Variants in CYP2F1 observed in about 807,000 individuals in gnomAD.
CYP2F1 encodes the protein cytochrome P450 family 2 subfamily F member 1.
In CYP2F1, 33 loss-of-function variants were observed where a neutral mutation model predicts 40.4. The ratio of observed to expected loss-of-function variants is 0.82; its 90% CI spans 0.62 to 1.09. CYP2F1 has a LOEUF of 1.09. Among genes scored for constraint, CYP2F1 ranks in the 50% least tolerant of loss-of-function variants. CYP2F1 has a pLI of 0.00. For synonymous variants in CYP2F1, 235 were observed against 277.2 expected (o/e 0.85, Z 1.51); for missense variants, 566 against 655.7 (o/e 0.86, Z 1.49).
rs1159535426 is a variant in CYP2F1, at chr19:41,119,683, G to GTC, written c.335-624_335-623dup. On this transcript the variant is annotated intron_variant, in intron 3 of 9. Coordinates refer to ENST00000331105, the MANE Select transcript of CYP2F1 (RefSeq NM_000774.5). ...CAGCCTGGCAACAGAGCAAGACTCC[G>GTC]TCTCTCTCTCTCTCTCTCTCTCTCT... is the stretch of plus-strand genomic sequence containing the variant. Among the ~76,000 whole-genome samples, 58 of 13,402 alleles carry GTC rather than the reference G, an allele frequency of 4.3e-3. 2 individuals carry two copies. The highest frequency in any genetic ancestry group is 7.5e-3 in the South Asian group (2 of 266). The allele number at this position is 13,402 out of a possible 152,430, so 8.8% of individuals were successfully genotyped here. A position where few individuals can be genotyped will look rare whatever the true frequency, so the allele number is the denominator to read the frequency against.
In CYP2F1 at chr19:41,128,124, G is replaced by A. The variant is rs12461439; in HGVS notation, c.*42G>A. 0.012 allele frequency: 18,102 copies of A among 1,540,244 alleles called. 1,967 individuals are homozygous for A. The African/African-American group carries it at 0.16, about 13-fold the overall frequency. ...GATTCGCCTGTGAGCGATGAGGCCC[G>A]CCCATGCGGGTTGCTACGTCCCCTT... On this transcript the variant is annotated 3_prime_UTR_variant, in exon 10 of 10. Coordinates refer to ENST00000331105, the MANE Select transcript of CYP2F1 (RefSeq NM_000774.5).
At position 41,122,914 on chromosome 19, in the gene CYP2F1, C is replaced by T; in HGVS notation, c.915C>T (p.Thr305=). The change falls in exon 7 of 10, where the codon ACC becomes ACT. Residue 305 remains threonine (T), a synonymous_variant. Coordinates refer to ENST00000331105, the MANE Select transcript of CYP2F1 (RefSeq NM_000774.5). ...TTGGCGGCACCAAGACGGTGAGCAC[C>T]ACGCTGCACCACGCCTTCCTGGCAC... ...LLFGGTKTVS[T]TLHHAFLALM... 1 of 1,611,918 alleles carries T rather than the reference C, an allele frequency of 6.2e-7. No individual in the cohort carries two copies. Among genetic ancestry groups the T allele is most frequent in the Admixed American group, 1.7e-5 (1 of 59,832 alleles).
intron 9 of CYP2F1, among the ~76,000 whole-genome samples, chr19:41,126,854 G>C (rs940108637): frequency 2.0e-5 from 3 of 152,056 alleles, no homozygotes; most frequent in Non-Finnish European, 4.4e-5. Flanking sequence ...CTCTCCACTG[G>C]GTGGCGCAGT....
chr19:41,118,939 G>A (rs2031979018), intron 3 of CYP2F1, among the ~76,000 whole-genome samples: 1 of 152,108 alleles, frequency 6.6e-6, no homozygotes, highest in Admixed American at 6.6e-5. Flanking sequence ...ACACATCTGA[G>A]ACTTTATCCT....
intron 9 of CYP2F1, among the ~76,000 whole-genome samples, chr19:41,126,356 C>T (rs771973409): frequency 4.6e-5 from 7 of 151,916 alleles, no homozygotes; most frequent in South Asian, 4.2e-4. Flanking sequence ...ACCCGGGAGG[C>T]GGAGGTTGCA....
Position 41,126,220 on chromosome 19 carries a change from G to A in CYP2F1, c.1294+586G>A, listed in dbSNP as rs552937351. On this transcript the variant is annotated intron_variant, in intron 9 of 9. Coordinates refer to ENST00000331105, the MANE Select transcript of CYP2F1 (RefSeq NM_000774.5). ...GCGGGCAGATTACCTGAAGTCAGGA[G>A]TTCAAGATTAGCCTGACCAACATGG... Among the ~76,000 whole-genome samples, 70 of 152,050 alleles carry A rather than the reference G, an allele frequency of 4.6e-4. 1 individual carries two copies. Among genetic ancestry groups the A allele is most frequent in the African/African-American group, 1.6e-3 (67 of 41,460 alleles).
In CYP2F1 at chr19:41,126,242, A is replaced by G. The variant is rs1281203657; in HGVS notation, c.1294+608A>G. 2.0e-5 allele frequency among the ~76,000 whole-genome samples: 3 copies of G among 151,972 alleles called. No individual in the cohort carries two copies. The East Asian group carries it at 5.8e-4, about 29-fold the overall frequency. ...GGAGTTCAAGATTAGCCTGACCAAC[A>G]TGGTGAAACCCTGTCTCTACTAAAA... On this transcript the variant is annotated intron_variant, in intron 9 of 9. Transcript: ENST00000331105.
intron 9 of CYP2F1, among the ~76,000 whole-genome samples, chr19:41,125,993 TGTG>T (rs757750356): frequency 1.3e-5 from 2 of 149,114 alleles, no homozygotes; most frequent in Non-Finnish European, 3.0e-5. Context: ...ATTAGCTGGG[TGTG>T]GTGGTGGGCG....
chr19:41,120,208 T>A, intron 3 of CYP2F1, 139 bp from the exon 4 acceptor site: 1 of 755,900 alleles, frequency 1.3e-6, no homozygotes, highest in Non-Finnish European at 2.1e-6. Flanking sequence ...AGCTGGAGGG[T>A]CCAGAAGGGC....
Position 41,116,576 on chromosome 19 carries a change from G to A in CYP2F1, c.293G>A (p.Arg98His), listed in dbSNP as rs57670668. 1.5e-4 allele frequency: 237 copies of A among 1,614,002 alleles called. 2 individuals are homozygous for A. The African/African-American group carries it at 2.4e-3, about 16-fold the overall frequency. ...LVDQGEEFSG[R>H]GDYPAFFNFT... ...GACCAGGGAGAGGAGTTTAGTGGCC[G>A]CGGTGACTACCCTGCCTTTTTCAAC... The change falls in exon 3 of 10, where the codon CGC becomes CAC. Residue 98 changes from arginine (R) to histidine (H), a missense_variant. By Grantham distance (29) the Arg-to-His change is conservative. Coordinates refer to ENST00000331105, the MANE Select transcript of CYP2F1 (RefSeq NM_000774.5).
At position 41,116,292 on chromosome 19, in the gene CYP2F1, G is replaced by A. The variant is rs754395250; in HGVS notation, c.104G>A (p.Arg35Lys). 3.1e-6 allele frequency: 5 copies of A among 1,613,988 alleles called. No individual in the cohort carries two copies. Among genetic ancestry groups the A allele is most frequent in the Non-Finnish European group, 4.2e-6 (5 of 1,180,034 alleles). Residue 35 changes from arginine to lysine, a missense_variant, in exon 2 of 10, where the codon AGA (arginine) becomes AAA (lysine). Transcript: ENST00000331105. The part of the protein sequence containing the change: ...RDKGKLPPGP[R>K]PLSILGNLLL... ...AAGGGAAAGCTGCCTCCGGGACCCA[G>A]ACCCCTCTCAATCCTGGGAAACCTG...
At chr19:41,120,762 A>G (rs563413496) in intron 4 of CYP2F1, among the ~76,000 whole-genome samples, 1 of 151,902 alleles carries the variant, frequency 6.6e-6, no homozygotes, top group African/African-American at 2.4e-5. Flanking sequence ...AACTATAGGC[A>G]TACACCACCA....
rs796530025 is a variant in CYP2F1 at position 41,124,253 on chromosome 19, C to CT, written c.965-466_965-465insT. On this transcript the variant is annotated intron_variant, in intron 7 of 9. Transcript: ENST00000331105. Reference sequence around the variant, plus strand: ...TTTTTTTTTTTTCCTCTTCCCCCCCCCCTTTTTTTTTTTTTTTTTTTTTTT... The same window carrying CT: ...TTTTTTTTTTTTCCTCTTCCCCCCCCTCCTTTTTTTTTTTTTTTTTTTTTTT... Among the ~76,000 whole-genome samples the CT allele has an allele frequency of 7.4e-4, 69 of 93,196 alleles. 5 individuals are homozygous for CT. Among genetic ancestry groups the CT allele is most frequent in the African/African-American group, 3.4e-3 (68 of 19,882 alleles). 61.1% of individuals were successfully genotyped at this position (93,196 alleles called of 152,430 possible).
intron 8 of CYP2F1, 99 bp downstream of exon 8, chr19:41,125,005 C>A: frequency 9.3e-7 from 1 of 1,080,764 alleles, no homozygotes; most frequent in Non-Finnish European, 1.3e-6. Context: ...CATGAACACC[C>A]CAGGCCTTAG....
At chr19:41,125,098 TATC>T in intron 8 of CYP2F1, 192 bp downstream of exon 8, 1 of 594,098 alleles carries the variant, frequency 1.7e-6, no homozygotes, top group Non-Finnish European at 2.9e-6. Flanking sequence ...CCCCATCTCA[TATC>T]ATAGTGGACT....
Position 41,124,767 on chromosome 19 carries a change from C to G in CYP2F1, c.1013C>G (p.Pro338Arg), listed in dbSNP as rs568085061. Residue 338 changes from proline (P) to arginine (R), a missense_variant, in exon 8 of 10, where the codon CCG (proline) becomes CGG (arginine). Pro to Arg is a moderately radical substitution (Grantham distance 103, BLOSUM62 -2). Around this residue, in one of 5 missense-constraint regions of CYP2F1, gnomAD observed 128 missense variants for 121.0 expected, o/e 1.06. Transcript: ENST00000331105. ...CTCGTGGTGGGACGCGCGCGGCTGC[C>G]GGCGCTGAAGGACCGCGCGGCCATG... is the stretch of plus-strand genomic sequence containing the variant. ...IDLVVGRARL[P>R]ALKDRAAMPY... 2 of 1,608,064 alleles carry G rather than the reference C, an allele frequency of 1.2e-6. No homozygotes were observed. The highest frequency in any genetic ancestry group is 1.7e-6 in the Non-Finnish European group (2 of 1,179,460).
chr19:41,122,544 A>C (rs2032284743), intron 6 of CYP2F1, among the ~76,000 whole-genome samples: 1 of 151,418 alleles, frequency 6.6e-6, no homozygotes. Context: ...ATACATACAT[A>C]CATCATACAT....
At position 41,122,894 on chromosome 19, in the gene CYP2F1, G is replaced by A. The variant is rs751469261; in HGVS notation, c.895G>A (p.Gly299Ser). The A allele has an allele frequency of 3.5e-5, 56 of 1,603,040 alleles. No homozygotes were observed. Among genetic ancestry groups the A allele is most frequent in the Non-Finnish European group, 3.8e-5 (45 of 1,174,044 alleles). Residue 299 changes from glycine to serine, a missense_variant, in exon 7 of 10, where the codon GGC becomes AGC. By Grantham distance (56) the Gly-to-Ser change is moderately conservative. This residue lies in a region of CYP2F1 where 62 missense variants were observed against 105.6 expected (regional missense o/e 0.59). Coordinates refer to ENST00000331105, the MANE Select transcript of CYP2F1 (RefSeq NM_000774.5). Reference sequence around the variant, plus strand: ...GACCACACATAACCTGCTCTTTGGCGGCACCAAGACGGTGAGCACCACGCT... The same window carrying A: ...GACCACACATAACCTGCTCTTTGGCAGCACCAAGACGGTGAGCACCACGCT... ...LMTTHNLLFG[G>S]TKTVSTTLHH...
At position 41,123,128 on chromosome 19, in the gene CYP2F1, G is replaced by A. The variant is rs1186752198; in HGVS notation, c.964+165G>A. The A allele has an allele frequency of 5.1e-6, 4 of 779,058 alleles. No individual in the cohort carries two copies. The Admixed American group carries it at 6.0e-5, about 12-fold the overall frequency. The allele number at this position is 779,058 out of a possible 1,614,324, so 48.3% of individuals were successfully genotyped here. A position where few individuals can be genotyped will look rare whatever the true frequency, so the allele number is the denominator to read the frequency against. ...ACACGGAGGCCGATCCCACCACATG[G>A]CCCATGAGGTCCATGCAGCCTGCCC... On this transcript the variant is annotated intron_variant, in intron 7 of 9. Coordinates refer to ENST00000331105, the MANE Select transcript of CYP2F1 (RefSeq NM_000774.5).
Sources: gnomAD v4.1 joint callset for allele counts (sites outside exome capture counted in the v4.1 genomes callset) on GRCh38, gnomAD v4.1.1 for gene constraint, gnomAD v4.1.1 regional missense constraint, MANE v1.5 for transcripts, NCBI Gene and HGNC (gene_info 2026-07-23, HGNC 2026-07-21) for gene names.